The following CR1L variants were observed in gnomAD, a reference collection of about 807,000 sequenced individuals.
CR1L encodes the protein complement component receptor 1-like protein.
In CR1L, 59 loss-of-function variants were observed where a neutral mutation model predicts 62.3. The observed-to-expected ratio is 0.95, with a 90% CI of 0.77 to 1.18. The LOEUF (loss-of-function observed/expected upper bound fraction) is 1.18, where lower values mean the gene tolerates loss of function less well. CR1L is among the 50% of genes most tolerant of loss of function. CR1L has a pLI of 0.00. For missense variants in CR1L, 700 were observed against 702.8 expected (o/e 1.00, Z 0.04); for synonymous variants, 279 against 248.7 (o/e 1.12, Z -1.15).
At position 207,663,537 on chromosome 1, in the gene CR1L, C is replaced by G. The variant is rs1333362194; in HGVS notation, c.98-13852C>G. On this transcript the variant is annotated intron_variant, in intron 1 of 11. Coordinates refer to ENST00000508064, the MANE Select transcript of CR1L (RefSeq NM_175710.2). ...AGTGACCCAATTTTCCAGGTGCCAT[C>G]TGTCACCCCTTTCTTTGACTAGGAA... is the stretch of plus-strand genomic sequence containing the variant. Among the ~76,000 whole-genome samples the G allele has an allele frequency of 2.0e-5, 3 of 152,242 alleles. No individual in the cohort carries two copies. In the East Asian group the frequency reaches 5.8e-4, roughly 29 times the overall value.
At chr1:207,719,205 A>G (rs1156920324) in intron 11 of CR1L, among the ~76,000 whole-genome samples, 1 of 147,490 alleles carries the variant, frequency 6.8e-6, no homozygotes, top group East Asian at 2.0e-4. Flanking sequence ...ACATGTATAC[A>G]TATGTAACTA....
intron 3 of CR1L, among the ~76,000 whole-genome samples, chr1:207,678,584 A>C (rs1250081438): frequency 1.3e-5 from 2 of 152,188 alleles, no homozygotes; most frequent in Non-Finnish European, 2.9e-5. Context: ...CAAAGCACAC[A>C]ATCAGCCTTA....
chr1:207,659,025 C>G (rs1281485400), intron 1 of CR1L: 1 of 152,514 alleles, frequency 6.6e-6, no homozygotes, highest in Non-Finnish European at 1.5e-5. Context: ...CAAGCTGGGC[C>G]CCTGCAACGC....
At chr1:207,714,032 C>T (rs181122632) in intron 10 of CR1L, among the ~76,000 whole-genome samples, 48 of 152,322 alleles carry the variant, frequency 3.2e-4, no homozygotes, top group Admixed American at 2.2e-3. Flanking sequence ...TTCATACCTG[C>T]GTTTGGTGGG....
intron 10 of CR1L, chr1:207,708,749 A>C: frequency 2.2e-6 from 1 of 454,734 alleles, no homozygotes; most frequent in Non-Finnish European, 4.4e-6. Context: ...AGCAAAGAGG[A>C]ATGAGCAATT....
In CR1L at chr1:207,649,904, G is replaced by A. The variant is rs1168551462; in HGVS notation, c.97+4574G>A. 4.6e-5 allele frequency among the ~76,000 whole-genome samples: 7 copies of A among 152,158 alleles called. No individual in the cohort carries two copies. The East Asian group carries it at 9.6e-4, about 21-fold the overall frequency. The stretch of plus-strand genomic sequence containing the variant: ...GTATGGAGACCTATTTAGTTATGTC[G>A]TGGTAATCCAGATAAGAAATGATAG... On this transcript the variant is annotated intron_variant, in intron 1 of 11. Coordinates refer to ENST00000508064, the MANE Select transcript of CR1L (RefSeq NM_175710.2).
intron 10 of CR1L, among the ~76,000 whole-genome samples, chr1:207,713,031 T>C (rs1664383298): frequency 6.6e-6 from 1 of 152,260 alleles, no homozygotes; most frequent in Non-Finnish European, 1.5e-5. Context: ...ACCTAGTAGA[T>C]AAGAAGTACC....
chr1:207,692,126 A>T (rs1319287537), intron 4 of CR1L, among the ~76,000 whole-genome samples: 1 of 152,224 alleles, frequency 6.6e-6, no homozygotes, highest in African/African-American at 2.4e-5. Flanking sequence ...GTCTGTTTAC[A>T]TCTTCACTCG....
intron 5 of CR1L, among the ~76,000 whole-genome samples, chr1:207,697,117 G>C (rs1223167911): frequency 1.3e-5 from 2 of 152,166 alleles, no homozygotes; most frequent in Non-Finnish European, 2.9e-5. Flanking sequence ...TAAAATGCAA[G>C]ACGAAATTGG....
intron 1 of CR1L, among the ~76,000 whole-genome samples, chr1:207,664,242 G>A (rs1208528943): frequency 6.6e-6 from 1 of 152,184 alleles, no homozygotes; most frequent in African/African-American, 2.4e-5. Flanking sequence ...GCATTAGCCT[G>A]CGTAGACTAT....
intron 9 of CR1L, 161 bp downstream of exon 9, chr1:207,701,779 T>G: frequency 9.9e-7 from 1 of 1,013,520 alleles, no homozygotes; most frequent in Admixed American, 2.0e-5. Flanking sequence ...AGGAGAAGAT[T>G]AGGGGAAAAA....
intron 10 of CR1L, among the ~76,000 whole-genome samples, chr1:207,712,402 T>C (rs1664372931): frequency 6.6e-6 from 1 of 152,254 alleles, no homozygotes; most frequent in African/African-American, 2.4e-5. Context: ...TTGGGCCATG[T>C]GCTAGGGAGA....
chr1:207,647,031 G>A (rs929710490), intron 1 of CR1L, among the ~76,000 whole-genome samples: 2 of 151,148 alleles, frequency 1.3e-5, no homozygotes, highest in South Asian at 2.1e-4. Context: ...TTACACACAC[G>A]TACATGCAGG....
rs573781953 is a variant in CR1L at position 207,716,377 on chromosome 1, G to A, written c.1415-1087G>A. On this transcript the variant is annotated intron_variant, in intron 10 of 11. Coordinates refer to ENST00000508064, the MANE Select transcript of CR1L (RefSeq NM_175710.2). ...GGTGTCCTAAATTTCCAAACCATCCGCTTAAATAAAATATCCCAAAATTCA... is the reference window on the plus strand; with the variant it reads ...GGTGTCCTAAATTTCCAAACCATCCACTTAAATAAAATATCCCAAAATTCA... 7.9e-5 allele frequency among the ~76,000 whole-genome samples: 12 copies of A among 152,132 alleles called. No homozygotes were observed. In the South Asian group the frequency reaches 1.5e-3, roughly 18 times the overall value.
intron 10 of CR1L, among the ~76,000 whole-genome samples, chr1:207,716,888 T>C (rs2761421): frequency 0.23 from 35,515 of 152,094 alleles, 4,696 homozygotes; most frequent in Admixed American, 0.29. Flanking sequence ...GGCTAATAAT[T>C]TGGAAGAAAG....
chr1:207,706,044 TAA>T (rs56915397), intron 9 of CR1L, among the ~76,000 whole-genome samples: 3 of 118,834 alleles, frequency 2.5e-5, no homozygotes, highest in Non-Finnish European at 3.7e-5. Context: ...TATATATATA[TAA>T]AACACTGAAT....
chr1:207,672,169 T>TA (rs764529927), intron 1 of CR1L, among the ~76,000 whole-genome samples: 6 of 150,634 alleles, frequency 4.0e-5, no homozygotes, highest in South Asian at 2.1e-4. Flanking sequence ...AGACAATATA[T>TA]ATTAAAAGTA....
Position 207,678,209 on chromosome 1 carries a change from C to G in CR1L, c.289C>G (p.Arg97Gly). Residue 97 changes from arginine (R) to glycine (G), a missense_variant, in exon 3 of 12, where the codon CGT becomes GGT. Arg to Gly is a moderately radical substitution (Grantham distance 125, BLOSUM62 -2). Transcript: ENST00000508064. ...TTTCTTTCCTGTAGGTAAATCATGT[C>G]GTAATCCTCCAGATCCTGTGAATGG... ...AKDKCKRKSC[R>G]NPPDPVNGMA... The G allele has an allele frequency of 6.2e-7, 1 of 1,613,192 alleles. No individual in the cohort carries two copies. Among genetic ancestry groups the G allele is most frequent in the Non-Finnish European group, 8.5e-7 (1 of 1,179,274 alleles).
chr1:207,717,190 T>A (rs1654018041), intron 10 of CR1L, among the ~76,000 whole-genome samples: 1 of 151,940 alleles, frequency 6.6e-6, no homozygotes, highest in Admixed American at 6.6e-5. Context: ...GTAAAAAAAT[T>A]AAAAAAAATT....
Sources: allele counts gnomAD v4.1 joint callset (sites outside exome capture counted in the v4.1 genomes callset), GRCh38; gene constraint gnomAD v4.1.1; transcripts MANE v1.5; gene names NCBI Gene and HGNC (gene_info 2026-07-23, HGNC 2026-07-21).